The following NEK5 variants were observed in gnomAD, a reference collection of about 807,000 sequenced individuals.
NEK5 encodes the protein NIMA related kinase 5.
NEK5 carries 88 observed loss-of-function variants against 109.2 expected under a neutral mutation model. That is an observed-to-expected ratio of 0.81 (90% CI 0.68 to 0.96). The LOEUF is 0.96. Among genes scored for constraint, NEK5 ranks in the 40% least tolerant of loss-of-function variants. The pLI is 0.00. For synonymous variants in NEK5, 283 were observed against 299.9 expected (o/e 0.94, Z 0.58); for missense variants, 834 against 920.7 (o/e 0.91, Z 1.22).
intron 22 of NEK5, among the ~76,000 whole-genome samples, chr13:52,054,520 C>T (rs181138229): frequency 6.6e-6 from 1 of 152,188 alleles, no homozygotes; most frequent in Non-Finnish European, 1.5e-5. Flanking sequence ...AAAAAGACAG[C>T]AGTAACCTCT....
chr13:52,097,872 C>T (rs1269716385), intron 12 of NEK5, among the ~76,000 whole-genome samples: 1 of 151,920 alleles, frequency 6.6e-6, no homozygotes, highest in East Asian at 1.9e-4. Context: ...AATTGTAATC[C>T]CTGATGTTGG....
At position 52,033,850 on chromosome 13, in the gene NEK5, C is replaced by T. The variant is rs992637838; in HGVS notation, c.*3098G>A. ...CAATGAGAGGATGTCTGTGCCAAAT[C>T]TGTCAATCAGTACAATAGAAAAGTT... is the stretch of plus-strand genomic sequence containing the variant. On this transcript the variant is annotated 3_prime_UTR_variant, in exon 24 of 24. Coordinates refer to ENST00000684899, the MANE Select transcript of NEK5 (RefSeq NM_001365552.1). 2.6e-5 allele frequency: 4 copies of T among 152,274 alleles called. No homozygotes were observed. In the East Asian group the frequency reaches 7.7e-4, roughly 29 times the overall value. The allele number at this position is 152,274 out of a possible 1,614,324, so 9.4% of individuals were successfully genotyped here. A position where few individuals can be genotyped will look rare whatever the true frequency, so the allele number is the denominator to read the frequency against.
At chr13:52,067,676 A>ATTTTT (rs33986940) in intron 20 of NEK5, among the ~76,000 whole-genome samples, 5 of 120,166 alleles carry the variant, frequency 4.2e-5, no homozygotes, top group African/African-American at 6.2e-5. Context: ...ACACCACGTC[A>ATTTTT]TTTTTTTTTT....
intron 11 of NEK5, 53 bp downstream of exon 11, chr13:52,101,880 G>T: frequency 7.3e-7 from 1 of 1,364,352 alleles, no homozygotes; most frequent in Non-Finnish European, 1.0e-6. Context: ...ATTACTCTCT[G>T]TGTGAGACAT....
chr13:52,117,768 G>C (rs1263419871), intron 4 of NEK5, among the ~76,000 whole-genome samples: 1 of 152,190 alleles, frequency 6.6e-6, no homozygotes, highest in African/African-American at 2.4e-5. Flanking sequence ...TATATAAATA[G>C]ACATATGTAA....
intron 22 of NEK5, among the ~76,000 whole-genome samples, chr13:52,054,790 C>T (rs1236027728): frequency 4.6e-5 from 7 of 152,154 alleles, no homozygotes; most frequent in African/African-American, 1.2e-4. Context: ...ACACCAAAAA[C>T]CCATCTGTAC....
intron 22 of NEK5, among the ~76,000 whole-genome samples, chr13:52,061,303 G>C (rs1300363892): frequency 3.9e-5 from 6 of 152,296 alleles, no homozygotes; most frequent in African/African-American, 1.4e-4. Context: ...ATGCTCACCT[G>C]CCTGCCACTC....
intron 5 of NEK5, among the ~76,000 whole-genome samples, chr13:52,111,572 C>G (rs1050967001): frequency 1.3e-5 from 2 of 152,056 alleles, no homozygotes; most frequent in African/African-American, 4.8e-5. Flanking sequence ...TAAAATAGAA[C>G]AAAGAAACAA....
At chr13:52,095,713 C>G (rs538641231) in intron 12 of NEK5, among the ~76,000 whole-genome samples, 1 of 152,318 alleles carries the variant, frequency 6.6e-6, no homozygotes, top group African/African-American at 2.4e-5. Context: ...CACAGTGAGA[C>G]CCTGACTCTA....
At chr13:52,093,936 A>G (rs1031827977) in intron 12 of NEK5, among the ~76,000 whole-genome samples, 9 of 152,246 alleles carry the variant, frequency 5.9e-5, no homozygotes, top group Admixed American at 2.0e-4. Flanking sequence ...TGAAACTCAC[A>G]CATATGGGGA....
At chr13:52,126,581 C>T (rs1956067086) in intron 3 of NEK5, among the ~76,000 whole-genome samples, 1 of 152,154 alleles carries the variant, frequency 6.6e-6, no homozygotes, top group Admixed American at 6.5e-5. Context: ...AGTTCAAGAC[C>T]AGCCTGGGCA....
chr13:52,075,308 C>A (rs1954847639), intron 19 of NEK5, among the ~76,000 whole-genome samples: 1 of 152,162 alleles, frequency 6.6e-6, no homozygotes, highest in Non-Finnish European at 1.5e-5. Context: ...AGAATGAAAT[C>A]ATGTCCATGC....
chr13:52,061,122 A>C (rs1377615660), intron 22 of NEK5, among the ~76,000 whole-genome samples: 1 of 152,174 alleles, frequency 6.6e-6, no homozygotes, highest in Non-Finnish European at 1.5e-5. Context: ...CAATTTTTCC[A>C]TGGGGGCAGG....
At chr13:52,067,938 C>A (rs968248720) in intron 20 of NEK5, among the ~76,000 whole-genome samples, 3 of 152,050 alleles carry the variant, frequency 2.0e-5, no homozygotes, top group African/African-American at 7.2e-5. Flanking sequence ...GAGATCTGCC[C>A]ACCTCAGCCT....
intron 4 of NEK5, among the ~76,000 whole-genome samples, chr13:52,116,075 G>A (rs1173361244): frequency 6.6e-6 from 1 of 151,220 alleles, no homozygotes; most frequent in African/African-American, 2.4e-5. Context: ...CCAGTACTCA[G>A]GAGACTGAGG....
intron 12 of NEK5, among the ~76,000 whole-genome samples, chr13:52,096,701 G>A (rs1259037512): frequency 2.0e-5 from 3 of 152,204 alleles, no homozygotes; most frequent in Admixed American, 6.5e-5. Context: ...TAAAAGAGAA[G>A]CAGAGTGTAA....
intron 17 of NEK5, 29 bp from the exon 18 acceptor site, chr13:52,076,172 C>A: frequency 8.0e-7 from 1 of 1,255,732 alleles, no homozygotes; most frequent in South Asian, 1.3e-5. Context: ...ATACAATTCT[C>A]TCACTGTATG....
At chr13:52,099,543 G>A (rs538583715) in intron 12 of NEK5, among the ~76,000 whole-genome samples, 200 bp downstream of exon 12, 83 of 152,252 alleles carry the variant, frequency 5.5e-4, no homozygotes, top group Non-Finnish European at 1.1e-3. Flanking sequence ...AGTGGCACAC[G>A]TCTGTAGTCC....
rs1593991479 is a variant in NEK5 at position 52,109,928 on chromosome 13, T to TA, written c.467+411dup. 3.3e-5 allele frequency among the ~76,000 whole-genome samples: 5 copies of TA among 152,322 alleles called. No individual in the cohort carries two copies. In the East Asian group the frequency reaches 5.8e-4, roughly 18 times the overall value. Reference sequence around the variant, plus strand: ...CAGGTTGTAGACCGGCCACCTTGGGTACATGTTCTTAGGATCTCCTGAGGG... The same window carrying TA: ...CAGGTTGTAGACCGGCCACCTTGGGTAACATGTTCTTAGGATCTCCTGAGGG... On this transcript the variant is annotated intron_variant, in intron 7 of 23. Transcript: ENST00000684899.
Sources: allele counts gnomAD v4.1 joint callset (sites outside exome capture counted in the v4.1 genomes callset), GRCh38; gene constraint gnomAD v4.1.1; transcripts MANE v1.5; gene names NCBI Gene and HGNC (gene_info 2026-07-23, HGNC 2026-07-21).